Variants in PPT2 observed in about 807,000 individuals in gnomAD.
PPT2 encodes the protein lysosomal thioesterase PPT2.
Under a neutral mutation model 37.3 loss-of-function variants are expected in PPT2, and 20 were observed. The observed-to-expected ratio is 0.54, with a 90% CI of 0.38 to 0.78. PPT2 has a LOEUF of 0.78. Ranked by LOEUF, PPT2 falls within the 30% of genes least tolerant of loss-of-function variation. The pLI is 0.00. For missense variants in PPT2, 270 were observed against 389.8 expected (o/e 0.69, Z 2.59); for synonymous variants, 135 against 159.1 (o/e 0.85, Z 1.14).
chr6:32,160,398 C>T (rs973858595), intron 7 of PPT2, among the ~76,000 whole-genome samples: 7 of 151,152 alleles, frequency 4.6e-5, no homozygotes, highest in African/African-American at 1.2e-4. Flanking sequence ...TGGCTGGGTG[C>T]GGTGGCTCAC....
Position 32,155,555 on chromosome 6 carries a change from T to G in PPT2, c.338-133T>G. ...TGCCTTCTGTAAGCCTCAGTCTCCT[T>G]TGTGTACAGTGTGTGTCTGTGTGTG... On this transcript the variant is annotated intron_variant, in intron 3 of 8. Coordinates refer to ENST00000324816, the MANE Select transcript of PPT2 (RefSeq NM_005155.7). The surrounding 1 kb of genome is among the most constrained non-coding windows in gnomAD (Gnocchi z 4.3). The G allele has an allele frequency of 6.3e-6, 5 of 794,148 alleles. No homozygotes were observed. The highest frequency in any genetic ancestry group is 1.7e-5 in the African/African-American group (1 of 58,306). 49.2% of individuals were successfully genotyped at this position (794,148 alleles called of 1,614,324 possible).
At chr6:32,153,822 T>G, upstream of PPT2, 2 of 1,040,592 alleles carry the variant, frequency 1.9e-6, no homozygotes, top group Non-Finnish European at 2.7e-6. The surrounding 1 kb of genome is among the most constrained non-coding windows in gnomAD (Gnocchi z 4.4). Flanking sequence ...CGTGTTCTGC[T>G]GCGGAGCCAG....
chr6:32,154,942 T>G lies in PPT2; in HGVS notation c.184-88T>G. The G allele has an allele frequency of 1.3e-6, 2 of 1,579,142 alleles. No individual in the cohort carries two copies. Among genetic ancestry groups the G allele is most frequent in the Non-Finnish European group, 1.7e-6 (2 of 1,154,528 alleles). ...GACGGGATCCCTGGTTCTAGCAGGG[T>G]ACAATAGACCTGTGGACGCGGGCCA... is the stretch of plus-strand genomic sequence containing the variant. On this transcript the variant is annotated intron_variant, in intron 2 of 8. Transcript: ENST00000324816. This position sits in a 1 kb window ranked among gnomAD's most constrained non-coding sequence, Gnocchi z 7.3.
intron 7 of PPT2, among the ~76,000 whole-genome samples, chr6:32,159,265 C>G (rs1783985244): frequency 6.6e-6 from 1 of 151,796 alleles, no homozygotes; most frequent in Non-Finnish European, 1.5e-5. Flanking sequence ...GAAACCCTGT[C>G]TGTACTAAAA....
At chr6:32,157,972 A>G in intron 7 of PPT2, 48 bp downstream of exon 7, 1 of 1,496,614 alleles carries the variant, frequency 6.7e-7, no homozygotes, top group Non-Finnish European at 9.2e-7. Context: ...ACATCCCCCA[A>G]CCCCAGTTGG....
At chr6:32,160,977 G>GT (rs1784116914) in intron 7 of PPT2, among the ~76,000 whole-genome samples, 1 of 142,530 alleles carries the variant, frequency 7.0e-6, no homozygotes, top group Non-Finnish European at 1.5e-5. Flanking sequence ...GACAGAGTAA[G>GT]ACCCTGTCTC....
chr6:32,157,655 T>C lies in PPT2; in HGVS notation c.560T>C (p.Leu187Ser), dbSNP rs1276119175. Reference protein sequence around the residue: ...NYWHDPHHDDLYLNASSFLAL... With the variant: ...NYWHDPHHDDSYLNASSFLAL... ...TACCCAGATCCCCACCACGATGACTTGTACCTCAATGCCAGCAGCTTCCTG... is the reference window on the plus strand; with the variant it reads ...TACCCAGATCCCCACCACGATGACTCGTACCTCAATGCCAGCAGCTTCCTG... The change falls in exon 6 of 9, where the codon TTG (leucine) becomes TCG (serine). Residue 187 changes from leucine to serine, a missense_variant. By Grantham distance (145) the Leu-to-Ser change is moderately radical. Coordinates refer to ENST00000324816, the MANE Select transcript of PPT2 (RefSeq NM_005155.7). 6.2e-7 allele frequency: 1 copy of C among 1,600,164 alleles called. No homozygotes were observed. Among genetic ancestry groups the C allele is most frequent in the South Asian group, 1.1e-5 (1 of 90,758 alleles).
In PPT2 at chr6:32,155,638, C is replaced by G. The variant is rs1369716576; in HGVS notation, c.338-50C>G. 7.1e-7 allele frequency: 1 copy of G among 1,406,360 alleles called. No homozygotes were observed. The highest frequency in any genetic ancestry group is 1.0e-6 in the Non-Finnish European group (1 of 997,736). 87.1% of individuals were successfully genotyped at this position (1,406,360 alleles called of 1,614,324 possible). On this transcript the variant is annotated intron_variant, in intron 3 of 8. Transcript: ENST00000324816. The surrounding 1 kb of genome is among the most constrained non-coding windows in gnomAD (Gnocchi z 4.3). Reference sequence around the variant, plus strand: ...TGTGTGGTGGGGGTGGGGGGTGCTGCTGGCTTTGCTGTCCTTAAGTGCCTG... The same window carrying G: ...TGTGTGGTGGGGGTGGGGGGTGCTGGTGGCTTTGCTGTCCTTAAGTGCCTG...
At chr6:32,153,846 G>A, upstream of PPT2, 1 of 1,042,338 alleles carries the variant, frequency 9.6e-7, no homozygotes, top group Non-Finnish European at 1.3e-6. The surrounding 1 kb of genome is among the most constrained non-coding windows in gnomAD (Gnocchi z 4.4). Context: ...CCTGTATTGG[G>A]AAGTGGGGAG....
intron 7 of PPT2, among the ~76,000 whole-genome samples, chr6:32,158,719 A>C (rs28732179): frequency 0.042 from 6,466 of 152,286 alleles, 158 homozygotes; most frequent in South Asian, 0.059. Flanking sequence ...GTGGCCGAAG[A>C]AGTCCTCCTG....
At chr6:32,160,480 G>A (rs1010871125) in intron 7 of PPT2, among the ~76,000 whole-genome samples, 5 of 151,316 alleles carry the variant, frequency 3.3e-5, no homozygotes, top group African/African-American at 1.2e-4. Context: ...AGAACAGCTG[G>A]CTAACATTGA....
Position 32,154,827 on chromosome 6 carries a change from C to G in PPT2, c.183+50C>G. The stretch of plus-strand genomic sequence containing the variant: ...AGGGCGTTAGAGGCGTCTACTGTGG[C>G]AGGGGAGGGAGAGCGGGGAACTGAA... On this transcript the variant is annotated intron_variant, in intron 2 of 8. Coordinates refer to ENST00000324816, the MANE Select transcript of PPT2 (RefSeq NM_005155.7). The surrounding 1 kb of genome is among the most constrained non-coding windows in gnomAD (Gnocchi z 7.3). 6.3e-7 allele frequency: 1 copy of G among 1,578,932 alleles called. No homozygotes were observed. The highest frequency in any genetic ancestry group is 8.6e-7 in the Non-Finnish European group (1 of 1,157,338).
chr6:32,155,834 G>C lies in PPT2; in HGVS notation c.434-37G>C. 6.2e-7 allele frequency: 1 copy of C among 1,611,278 alleles called. No homozygotes were observed. The highest frequency in any genetic ancestry group is 1.3e-5 in the African/African-American group (1 of 74,952). On this transcript the variant is annotated intron_variant, in intron 4 of 8. Coordinates refer to ENST00000324816, the MANE Select transcript of PPT2 (RefSeq NM_005155.7). This position sits in a 1 kb window ranked among gnomAD's most constrained non-coding sequence, Gnocchi z 4.3. ...ATGCCCTGAGTTTTGGGGGAACAGA[G>C]GTTTATGGTCACTTAGCATTGCCAT... is the stretch of plus-strand genomic sequence containing the variant.
chr6:32,153,713 C>A (rs1783510823), upstream of PPT2: 5 of 1,515,168 alleles, frequency 3.3e-6, no homozygotes, highest in South Asian at 1.3e-5. This position sits in a 1 kb window ranked among gnomAD's most constrained non-coding sequence, Gnocchi z 4.4. Context: ...TGGCATCAGC[C>A]CTCCAGGCCA....
chr6:32,158,344 T>C, intron 7 of PPT2: 1 of 163,280 alleles, frequency 6.1e-6, no homozygotes, highest in Non-Finnish European at 1.3e-5. Context: ...TTTTATCACA[T>C]TTCCTACCAC....
intron 7 of PPT2, among the ~76,000 whole-genome samples, chr6:32,159,889 T>A (rs1784041303): frequency 6.6e-6 from 1 of 151,518 alleles, no homozygotes; most frequent in Non-Finnish European, 1.5e-5. Context: ...CCTGGCTAAT[T>A]TTTAGTATTT....
At chr6:32,154,064 C>T, upstream of PPT2, 1 of 1,101,274 alleles carries the variant, frequency 9.1e-7, no homozygotes, top group Non-Finnish European at 1.1e-6. The surrounding 1 kb of genome is among the most constrained non-coding windows in gnomAD (Gnocchi z 7.3). Context: ...GGGGAACGCT[C>T]GCGCGGTTGC....
At position 32,155,227 on chromosome 6, in the gene PPT2, C is replaced by T; in HGVS notation, c.337+44C>T. 9 of 1,604,688 alleles carry T rather than the reference C, an allele frequency of 5.6e-6. No individual in the cohort carries two copies. Among genetic ancestry groups the T allele is most frequent in the Non-Finnish European group, 7.7e-6 (9 of 1,173,172 alleles). On this transcript the variant is annotated intron_variant, in intron 3 of 8. Transcript: ENST00000324816. The surrounding 1 kb of genome is among the most constrained non-coding windows in gnomAD (Gnocchi z 4.3). Reference sequence around the variant, plus strand: ...CCTAACTCCTAAGCCCTATCTGAGGCTTGATCCTTATCTGAGGGACACTTC... The same window carrying T: ...CCTAACTCCTAAGCCCTATCTGAGGTTTGATCCTTATCTGAGGGACACTTC...
At chr6:32,158,879 G>T (rs765406940) in intron 7 of PPT2, among the ~76,000 whole-genome samples, 2 of 152,184 alleles carry the variant, frequency 1.3e-5, no homozygotes, top group African/African-American at 2.4e-5. Flanking sequence ...AGTGCACAAG[G>T]AGCTGGGGAG....
Sources: allele counts gnomAD v4.1 joint callset (sites outside exome capture counted in the v4.1 genomes callset), GRCh38; gene constraint gnomAD v4.1.1; non-coding constraint Gnocchi (gnomAD v3.1); transcripts MANE v1.5; gene names NCBI Gene and HGNC (gene_info 2026-07-23, HGNC 2026-07-21).